The following CACNA2D1 variants were observed in gnomAD, a reference collection of about 807,000 sequenced individuals.
CACNA2D1 encodes calcium voltage-gated channel auxiliary subunit alpha2delta 1.
A neutral mutation model predicts 171.5 loss-of-function variants in CACNA2D1; 53 were observed. The observed-to-expected ratio is 0.31, with a 90% CI of 0.25 to 0.39. The LOEUF is 0.39. Among genes scored for constraint, CACNA2D1 ranks in the 10% least tolerant of loss-of-function variants. The pLI, the probability that CACNA2D1 is intolerant of heterozygous loss-of-function variation, is 1.00. For synonymous variants in CACNA2D1, 442 were observed against 443.1 expected (o/e 1.00, Z 0.03); for missense variants, 903 against 1,299.8 (o/e 0.69, Z 4.69).
At chr7:82,189,473 T>C (rs1026155306) in intron 3 of CACNA2D1, among the ~76,000 whole-genome samples, 9 of 151,930 alleles carry the variant, frequency 5.9e-5, no homozygotes, top group African/African-American at 1.9e-4. Context: ...CAAATATCTA[T>C]GGAAATAATC....
intron 1 of CACNA2D1, among the ~76,000 whole-genome samples, chr7:82,389,026 G>A (rs935735933): frequency 2.6e-5 from 4 of 151,720 alleles, no homozygotes; most frequent in African/African-American, 9.7e-5. Context: ...TGAGACAGGA[G>A]AATCACTTTA....
intron 3 of CACNA2D1, among the ~76,000 whole-genome samples, chr7:82,319,378 T>C (rs935968041): frequency 4.6e-5 from 7 of 152,188 alleles, no homozygotes; most frequent in African/African-American, 1.7e-4. Flanking sequence ...CATCTTTTTA[T>C]CTAAACTAAA....
intron 1 of CACNA2D1, among the ~76,000 whole-genome samples, chr7:82,365,506 T>C (rs960854446): frequency 2.0e-4 from 30 of 152,238 alleles, no homozygotes; most frequent in African/African-American, 6.5e-4. Context: ...TTGATTTTCA[T>C]TACTCAAGAA....
chr7:82,360,048 CA>C (rs1465784344), intron 1 of CACNA2D1, among the ~76,000 whole-genome samples: 2 of 152,154 alleles, frequency 1.3e-5, no homozygotes, highest in Non-Finnish European at 2.9e-5. Flanking sequence ...AGTGGCAGAG[CA>C]GTTTGCCCTG....
intron 3 of CACNA2D1, among the ~76,000 whole-genome samples, chr7:82,213,025 T>C (rs1207942121): frequency 6.6e-6 from 1 of 151,734 alleles, no homozygotes; most frequent in East Asian, 1.9e-4. Context: ...GTCAGCCTCC[T>C]GGGTAGCTGG....
chr7:82,303,774 G>A (rs1813349471), intron 3 of CACNA2D1, among the ~76,000 whole-genome samples: 1 of 152,098 alleles, frequency 6.6e-6, no homozygotes, highest in African/African-American at 2.4e-5. Context: ...TACAAGAGAA[G>A]ATAGGGGAGA....
chr7:82,115,743 TAA>T (rs543239994), intron 6 of CACNA2D1, among the ~76,000 whole-genome samples: 4 of 143,144 alleles, frequency 2.8e-5, no homozygotes, highest in South Asian at 2.2e-4. Context: ...TCAAAGTGAA[TAA>T]AAAAAAAAAG....
chr7:82,231,446 A>G (rs1370330590), intron 3 of CACNA2D1, among the ~76,000 whole-genome samples: 1 of 152,224 alleles, frequency 6.6e-6, no homozygotes, highest in East Asian at 1.9e-4. Context: ...GTGCTTGTTT[A>G]GTAGCTGACA....
chr7:82,136,405 G>C (rs977166751), intron 5 of CACNA2D1, among the ~76,000 whole-genome samples: 3 of 152,018 alleles, frequency 2.0e-5, no homozygotes, highest in African/African-American at 7.2e-5. Context: ...AAAAAGTGCA[G>C]TGAGGGTTCA....
chr7:82,386,983 C>T (rs191177779), intron 1 of CACNA2D1, among the ~76,000 whole-genome samples: 10 of 152,034 alleles, frequency 6.6e-5, no homozygotes, highest in Admixed American at 3.9e-4. Context: ...TACACACATT[C>T]TTAATGTATA....
At chr7:82,364,140 T>C (rs1285228959) in intron 1 of CACNA2D1, among the ~76,000 whole-genome samples, 2 of 152,218 alleles carry the variant, frequency 1.3e-5, no homozygotes, top group South Asian at 2.1e-4. Flanking sequence ...CAAGAATCAC[T>C]TGAACCCAGG....
chr7:82,060,154 T>TATATATATATATTATATATATATA (rs1806471134), intron 10 of CACNA2D1, among the ~76,000 whole-genome samples: 4 of 34,790 alleles, frequency 1.1e-4, no homozygotes, highest in Admixed American at 6.1e-4. Context: ...ATATATGTAT[T>TATATATATATATTATATATATATA]ATATATATAT....
chr7:82,285,818 T>C (rs948372200), intron 3 of CACNA2D1, among the ~76,000 whole-genome samples: 4 of 152,188 alleles, frequency 2.6e-5, no homozygotes, highest in African/African-American at 9.7e-5. Flanking sequence ...GAAGACTCTT[T>C]CCTACTTGGT....
chr7:82,268,518 CT>C (rs1255602646), intron 3 of CACNA2D1, among the ~76,000 whole-genome samples: 1 of 151,936 alleles, frequency 6.6e-6, no homozygotes, highest in Non-Finnish European at 1.5e-5. Flanking sequence ...ACACGCAGTC[CT>C]TTTTTTTCTT....
intron 3 of CACNA2D1, among the ~76,000 whole-genome samples, chr7:82,216,229 T>G (rs1217013340): frequency 6.6e-6 from 1 of 152,180 alleles, no homozygotes; most frequent in Non-Finnish European, 1.5e-5. Context: ...AGCATCAATT[T>G]GAGAAGTTCC....
chr7:82,384,215 C>A lies in CACNA2D1; in HGVS notation c.96-34566G>T, dbSNP rs922196509. ...ATGCTGTAGACTGAATTGTCTCCCCCAAAAAATGTGTATGTTGAAACCCTA... is the reference window on the plus strand; with the variant it reads ...ATGCTGTAGACTGAATTGTCTCCCCAAAAAAATGTGTATGTTGAAACCCTA... On this transcript the variant is annotated intron_variant, in intron 1 of 38. Coordinates refer to ENST00000356860, the MANE Select transcript of CACNA2D1 (RefSeq NM_000722.4). Among the ~76,000 whole-genome samples, 3 of 152,250 alleles carry A rather than the reference C, an allele frequency of 2.0e-5. No homozygotes were observed. The South Asian group carries it at 6.2e-4, about 32-fold the overall frequency.
intron 3 of CACNA2D1, among the ~76,000 whole-genome samples, chr7:82,257,864 TTTTG>T (rs1806488645): frequency 6.6e-6 from 1 of 152,242 alleles, no homozygotes; most frequent in Non-Finnish European, 1.5e-5. Flanking sequence ...ATCATATTTA[TTTTG>T]TTTGTAGATT....
rs558971024 is a variant in CACNA2D1, at chr7:82,401,257, G to A, written c.95+42108C>T. 2.7e-3 allele frequency among the ~76,000 whole-genome samples: 411 copies of A among 152,110 alleles called. 3 individuals carry two copies. The highest frequency in any genetic ancestry group is 9.4e-3 in the African/African-American group (391 of 41,504). On this transcript the variant is annotated intron_variant, in intron 1 of 38. Coordinates refer to ENST00000356860, the MANE Select transcript of CACNA2D1 (RefSeq NM_000722.4). ...TGCTGCTATAAAGACACATGTACAC[G>A]TATGTTTATTGCAGCACTATTCACA...
intron 3 of CACNA2D1, among the ~76,000 whole-genome samples, chr7:82,176,359 T>C (rs1434957054): frequency 6.6e-6 from 1 of 152,004 alleles, no homozygotes. Context: ...CATATAAACA[T>C]GTATGTTCAG....
Sources: allele counts gnomAD v4.1 joint callset (sites outside exome capture counted in the v4.1 genomes callset), GRCh38; gene constraint gnomAD v4.1.1; transcripts MANE v1.5; gene names NCBI Gene and HGNC (gene_info 2026-07-23, HGNC 2026-07-21).